EPHX1: variants seen among roughly 807,000 people sequenced by gnomAD.
EPHX1 encodes the protein epoxide hydrolase 1.
Under a neutral mutation model 43.2 loss-of-function variants are expected in EPHX1, and 40 were observed. The observed-to-expected ratio is 0.93, with a 90% confidence interval of 0.72 to 1.21. The LOEUF (loss-of-function observed/expected upper bound fraction) is 1.21. Among genes scored for constraint, EPHX1 ranks in the 50% most tolerant of loss-of-function variants. The probability of loss-of-function intolerance (pLI) is 0.00; values close to 1 mark genes in which losing one functional copy is unlikely to be tolerated. For missense variants in EPHX1, 550 were observed against 570.4 expected (o/e 0.96, Z 0.36); for synonymous variants, 221 against 226.7 (o/e 0.98, Z 0.22).
At position 225,828,874 on chromosome 1, in the gene EPHX1, C is replaced by A; in HGVS notation, c.145C>A (p.Arg49Ser). The A allele has an allele frequency of 1.9e-6, 3 of 1,600,108 alleles. No homozygotes were observed. Among genetic ancestry groups the A allele is most frequent in the Non-Finnish European group, 2.6e-6 (3 of 1,171,986 alleles). Reference sequence around the variant, plus strand: ...CGCAGCCAGGGAGGACGACAGCATCCGCCCTTTCAAGGTGGAAACGTCAGA... The same window carrying A: ...CGCAGCCAGGGAGGACGACAGCATCAGCCCTTTCAAGGTGGAAACGTCAGA... ...RSAAREDDSI[R>S]PFKVETSDEE... The change falls in exon 2 of 9, where the codon CGC (arginine) becomes AGC (serine). Residue 49 changes from arginine (R) to serine (S), a missense_variant. Coordinates refer to ENST00000272167, the MANE Select transcript of EPHX1 (RefSeq NM_001136018.4).
At chr1:225,810,929 G>C (rs1666449900) in intron 1 of EPHX1, among the ~76,000 whole-genome samples, 2 of 152,180 alleles carry the variant, frequency 1.3e-5, no homozygotes, top group African/African-American at 4.8e-5. Flanking sequence ...TGGATGTGTA[G>C]GTGCAGGCCA....
intron 1 of EPHX1, among the ~76,000 whole-genome samples, chr1:225,812,960 G>A (rs1477217395): frequency 8.5e-5 from 13 of 152,192 alleles, no homozygotes; most frequent in Admixed American, 8.5e-4. Context: ...TGTGGGAAGA[G>A]GATTGGGCTG....
chr1:225,824,462 A>G (rs560916329), intron 1 of EPHX1, among the ~76,000 whole-genome samples: 1 of 152,328 alleles, frequency 6.6e-6, no homozygotes, highest in South Asian at 2.1e-4. Context: ...AGTGAAAAGG[A>G]AAGTCAAGTT....
chr1:225,827,081 CCCCA>C, intron 1 of EPHX1, among the ~76,000 whole-genome samples: 1 of 152,282 alleles, frequency 6.6e-6, no homozygotes, highest in African/African-American at 2.4e-5. Flanking sequence ...ATAGAACGAC[CCCCA>C]GTAGCCCAAT....
intron 1 of EPHX1, 73 bp from the exon 2 acceptor site, chr1:225,828,652 G>C (rs987038417): frequency 1.3e-6 from 2 of 1,517,910 alleles, no homozygotes; most frequent in Non-Finnish European, 1.8e-6. Flanking sequence ...AGCCTGCTGG[G>C]GATCAGAGTC....
At chr1:225,829,874 G>A (rs1231921598) in intron 2 of EPHX1, among the ~76,000 whole-genome samples, 1 of 152,090 alleles carries the variant, frequency 6.6e-6, no homozygotes, top group Non-Finnish European at 1.5e-5. Context: ...AGGAGTTCAA[G>A]ACCAGCCTGG....
intron 5 of EPHX1, among the ~76,000 whole-genome samples, 186 bp downstream of exon 5, chr1:225,839,532 C>T (rs376644362): frequency 3.9e-5 from 6 of 152,080 alleles, no homozygotes; most frequent in Non-Finnish European, 5.9e-5. Flanking sequence ...CCCAGGGTTG[C>T]GGCTCTGGGT....
In EPHX1 at chr1:225,828,890, A is replaced by G; in HGVS notation, c.161A>G (p.Glu54Gly). Residue 54 changes from glutamate to glycine, a missense_variant, in exon 2 of 9, where the codon GAA becomes GGA. By Grantham distance (98) the Glu-to-Gly change is moderately conservative (BLOSUM62 -2). Coordinates refer to ENST00000272167, the MANE Select transcript of EPHX1 (RefSeq NM_001136018.4). ...EDDSIRPFKV[E>G]TSDEEIHDLH... is the part of the protein sequence containing the mutation. ...GACAGCATCCGCCCTTTCAAGGTGG[A>G]AACGTCAGATGAGGAGATCCACGTA... 7 of 1,588,632 alleles carry G rather than the reference A, an allele frequency of 4.4e-6. No homozygotes were observed. Among genetic ancestry groups the G allele is most frequent in the Non-Finnish European group, 6.0e-6 (7 of 1,164,748 alleles).
At chr1:225,825,297 T>C (rs1017415433) in intron 1 of EPHX1, 1 of 152,362 alleles carries the variant, frequency 6.6e-6, no homozygotes, top group South Asian at 2.1e-4. Context: ...GACTGTGCAA[T>C]TGTCAGAAGG....
intron 1 of EPHX1, among the ~76,000 whole-genome samples, chr1:225,828,128 G>A (rs1167392833): frequency 6.6e-6 from 1 of 152,110 alleles, no homozygotes; most frequent in African/African-American, 2.4e-5. Flanking sequence ...GGCGGATCAC[G>A]AGGTCAAGAG....
intron 3 of EPHX1, among the ~76,000 whole-genome samples, chr1:225,837,210 T>TACA (rs1391982299): frequency 6.6e-6 from 1 of 152,272 alleles, no homozygotes; most frequent in African/African-American, 2.4e-5. Context: ...TTGGCTTATC[T>TACA]GTGTTTTCTA....
chr1:225,828,993 G>A, intron 2 of EPHX1, 81 bp downstream of exon 2: 3 of 1,485,882 alleles, frequency 2.0e-6, no homozygotes, highest in Non-Finnish European at 1.8e-6. Context: ...TAGGCCAGAT[G>A]CGGGAGGGGA....
chr1:225,844,514 G>T lies in EPHX1; in HGVS notation c.1057G>T (p.Asp353Tyr), dbSNP rs779600683. The change falls in exon 8 of 9, where the codon GAC (aspartate) becomes TAC (tyrosine). Residue 353 changes from aspartate to tyrosine, a missense_variant. Coordinates refer to ENST00000272167, the MANE Select transcript of EPHX1 (RefSeq NM_001136018.4). ...CGTTCCCAGGAAGTTCTCCCTGGAC[G>T]ACCTGCTGACCAACGTCATGCTCTA... ...GGLERKFSLDDLLTNVMLYWT... is the reference protein window; with the variant it reads ...GGLERKFSLDYLLTNVMLYWT... The T allele has an allele frequency of 6.2e-7, 1 of 1,614,122 alleles. No homozygotes were observed. The highest frequency in any genetic ancestry group is 1.6e-4 in the Middle Eastern group (1 of 6,062).
chr1:225,816,826 CG>C (rs996735724), intron 1 of EPHX1, among the ~76,000 whole-genome samples: 1 of 152,180 alleles, frequency 6.6e-6, no homozygotes, highest in Non-Finnish European at 1.5e-5. Flanking sequence ...CGGGCTGGCT[CG>C]GGGCTCCCTC....
At chr1:225,837,494 A>T (rs1472733145) in intron 3 of EPHX1, among the ~76,000 whole-genome samples, 2 of 152,210 alleles carry the variant, frequency 1.3e-5, no homozygotes, top group Admixed American at 1.3e-4. Context: ...TCAGCATTGC[A>T]CTTAAAAAAA....
Position 225,838,857 on chromosome 1 carries a change from T to A in EPHX1, c.568T>A (p.Phe190Ile), listed in dbSNP as rs768301272. Residue 190 changes from phenylalanine (F) to isoleucine (I), a missense_variant, in exon 4 of 9, where the codon TTC (phenylalanine) becomes ATC (isoleucine). Coordinates refer to ENST00000272167, the MANE Select transcript of EPHX1 (RefSeq NM_001136018.4). ...CTGCCCTTCCATCCCTGGCTATGGC[T>A]TCTCAGAGGCATCCTCCAAGAAGGG... ...VICPSIPGYG[F>I]SEASSKKGFN... 1 of 1,614,210 alleles carries A rather than the reference T, an allele frequency of 6.2e-7. No homozygotes were observed. The highest frequency in any genetic ancestry group is 8.5e-7 in the Non-Finnish European group (1 of 1,180,020).
intron 3 of EPHX1, among the ~76,000 whole-genome samples, chr1:225,836,148 G>A (rs957232529): frequency 6.6e-6 from 1 of 152,232 alleles, no homozygotes; most frequent in African/African-American, 2.4e-5. Context: ...AACTGTCACA[G>A]CCAAGAAGGG....
At chr1:225,829,036 AGT>A in intron 2 of EPHX1, 124 bp downstream of exon 2, 1 of 1,157,702 alleles carries the variant, frequency 8.6e-7, no homozygotes, top group Non-Finnish European at 1.2e-6. Context: ...CCTACTTGGG[AGT>A]GTGTTTCAGT....
At position 225,845,302 on chromosome 1, in the gene EPHX1, C is replaced by A. The variant is rs369982089; in HGVS notation, c.1323C>A (p.Leu441=). ...HFAAFEEPEL[L]AQDIRKFLSV... ...CGGCCTTTGAGGAGCCGGAGCTGCT[C>A]GCCCAGGACATCCGCAAGTTCCTGT... The change falls in exon 9 of 9, where the codon CTC becomes CTA. Residue 441 remains leucine, a synonymous_variant. Transcript: ENST00000272167. 18 of 1,612,494 alleles carry A rather than the reference C, an allele frequency of 1.1e-5. No homozygotes were observed. The South Asian group carries it at 1.8e-4, about 16-fold the overall frequency.
Sources: gnomAD v4.1 joint callset for allele counts (sites outside exome capture counted in the v4.1 genomes callset) on GRCh38, gnomAD v4.1.1 for gene constraint, MANE v1.5 for transcripts, NCBI Gene and HGNC (gene_info 2026-07-23, HGNC 2026-07-21) for gene names.